Variants in CEP83 observed in about 807,000 individuals in gnomAD.
The protein encoded by CEP83 is centrosomal protein 83.
In CEP83, 70 loss-of-function variants were observed where a neutral mutation model predicts 101.9. The ratio of observed to expected loss-of-function variants is 0.69; its 90% CI spans 0.57 to 0.84. The LOEUF (loss-of-function observed/expected upper bound fraction) is 0.84. CEP83 is among the 40% of genes least tolerant of loss of function. CEP83 has a pLI of 0.00. For synonymous variants in CEP83, 264 were observed against 267.9 expected (o/e 0.99, Z 0.14); for missense variants, 715 against 787.2 (o/e 0.91, Z 1.10).
chr12:94,446,195 CTTG>C (rs752757332), intron 1 of CEP83, among the ~76,000 whole-genome samples: 1 of 152,114 alleles, frequency 6.6e-6, no homozygotes, highest in Non-Finnish European at 1.5e-5. Flanking sequence ...AACTATCTTA[CTTG>C]TTTTTTTTAC....
chr12:94,410,660 G>A lies in CEP83; in HGVS notation c.324+1037C>T, dbSNP rs7955795. Among the ~76,000 whole-genome samples, 298 of 152,232 alleles carry A rather than the reference G, an allele frequency of 2.0e-3. 1 individual carries two copies. The highest frequency in any genetic ancestry group is 6.7e-3 in the African/African-American group (280 of 41,550). ...AAATATCTTGGGTTCAGCATTCACA[G>A]CTTCCACTCATACAGGGCTCTAAAT... On this transcript the variant is annotated intron_variant, in intron 4 of 16. Coordinates refer to ENST00000397809, the MANE Select transcript of CEP83 (RefSeq NM_016122.3).
chr12:94,357,208 T>G (rs985438511), intron 11 of CEP83, among the ~76,000 whole-genome samples: 1 of 152,164 alleles, frequency 6.6e-6, no homozygotes, highest in Admixed American at 6.5e-5. Flanking sequence ...ATTTAGTTGA[T>G]TATATCAAGG....
At chr12:94,395,911 AC>A (rs1462661323) in intron 6 of CEP83, among the ~76,000 whole-genome samples, 76 of 152,238 alleles carry the variant, frequency 5.0e-4, no homozygotes, top group African/African-American at 1.8e-3. Context: ...CTCACCTGAC[AC>A]ATAAAGCCAA....
the CEP83 span, chr12:94,300,947 C>T: frequency 1.2e-6 from 2 of 1,613,208 alleles, no homozygotes; most frequent in South Asian, 1.1e-5. Flanking sequence ...CCTGAAGAAC[C>T]CTCAGTTTGT....
intron 6 of CEP83, among the ~76,000 whole-genome samples, chr12:94,386,989 A>T (rs1019690370): frequency 1.3e-5 from 2 of 152,234 alleles, no homozygotes; most frequent in East Asian, 3.8e-4. Flanking sequence ...AACAAAGTTG[A>T]CAAAAACAAA....
intron 2 of CEP83, among the ~76,000 whole-genome samples, chr12:94,420,794 T>C (rs2064678188): frequency 6.6e-6 from 1 of 152,068 alleles, no homozygotes; most frequent in African/African-American, 2.4e-5. Context: ...TTATTACAAA[T>C]AGATTATTAC....
rs72484681 is a variant in CEP83, at chr12:94,355,623, C to T, written c.1343+12171G>A. Among the ~76,000 whole-genome samples the T allele has an allele frequency of 2.5e-4, 38 of 152,102 alleles. No homozygotes were observed. The East Asian group carries it at 7.5e-3, about 30-fold the overall frequency. On this transcript the variant is annotated intron_variant, in intron 11 of 16. Coordinates refer to ENST00000397809, the MANE Select transcript of CEP83 (RefSeq NM_016122.3). ...CCCCCAAAGTCTGGCCATAAACTGGCCCCAAAACTGGCCATAAATAAAATC... is the reference window on the plus strand; with the variant it reads ...CCCCCAAAGTCTGGCCATAAACTGGTCCCAAAACTGGCCATAAATAAAATC...
At chr12:94,387,224 TCCATGG>T (rs2062199953) in intron 6 of CEP83, among the ~76,000 whole-genome samples, 1 of 152,058 alleles carries the variant, frequency 6.6e-6, no homozygotes. Context: ...CCATTACCAG[TCCATGG>T]CCTGTCAGGA....
At chr12:94,441,455 A>G (rs1034848256) in intron 1 of CEP83, among the ~76,000 whole-genome samples, 7 of 152,250 alleles carry the variant, frequency 4.6e-5, no homozygotes, top group African/African-American at 1.7e-4. Context: ...ATGCAAATCA[A>G]AACCACAATG....
chr12:94,354,197 CT>C (rs1002931370), intron 11 of CEP83, among the ~76,000 whole-genome samples: 45 of 146,628 alleles, frequency 3.1e-4, no homozygotes, highest in Non-Finnish European at 2.9e-4. Flanking sequence ...TCTTCTTCTT[CT>C]TTTTTTTTTT....
At chr12:94,434,782 T>C (rs1429922654) in intron 2 of CEP83, among the ~76,000 whole-genome samples, 4 of 152,362 alleles carry the variant, frequency 2.6e-5, no homozygotes, top group African/African-American at 7.2e-5. Flanking sequence ...TACATACACA[T>C]AGCCTGAAGG....
rs532669254 is a variant in CEP83, at chr12:94,423,895, C to T, written c.-101-11304G>A. Reference sequence around the variant, plus strand: ...TGTAAGCTCCTTGCATAGCTGCAGCCGTCAGCATATACATGCCTGTGCTGC... The same window carrying T: ...TGTAAGCTCCTTGCATAGCTGCAGCTGTCAGCATATACATGCCTGTGCTGC... On this transcript the variant is annotated intron_variant, in intron 2 of 16. Coordinates refer to ENST00000397809, the MANE Select transcript of CEP83 (RefSeq NM_016122.3). The T allele has an allele frequency of 7.0e-5, 113 of 1,611,530 alleles. 1 individual carries two copies. Among genetic ancestry groups the T allele is most frequent in the African/African-American group, 2.7e-4 (20 of 74,998 alleles).
the CEP83 span, among the ~76,000 whole-genome samples, chr12:94,289,370 C>T: frequency 1.3e-5 from 2 of 152,210 alleles, no homozygotes; most frequent in Admixed American, 1.3e-4. Context: ...CGCTTGTTGT[C>T]ACATCGAATC....
chr12:94,411,138 C>T (rs1271458645), intron 4 of CEP83, among the ~76,000 whole-genome samples: 1 of 152,144 alleles, frequency 6.6e-6, no homozygotes, highest in African/African-American at 2.4e-5. Flanking sequence ...AGTTTAAAGT[C>T]TGGCTTTGCT....
chr12:94,333,062 A>AAAAAC (rs1565926899), intron 13 of CEP83, among the ~76,000 whole-genome samples: 1 of 150,814 alleles, frequency 6.6e-6, no homozygotes. Context: ...AAAAAAAAAA[A>AAAAAC]AAACAAATAA....
At chr12:94,432,882 G>A (rs576760754) in intron 2 of CEP83, among the ~76,000 whole-genome samples, 10 of 152,094 alleles carry the variant, frequency 6.6e-5, no homozygotes, top group Non-Finnish European at 1.0e-4. Flanking sequence ...AATTTAAAAA[G>A]AGAGGAACTT....
At chr12:94,312,365 T>G (rs777748661) in intron 15 of CEP83, among the ~76,000 whole-genome samples, 6 of 152,216 alleles carry the variant, frequency 3.9e-5, no homozygotes, top group Non-Finnish European at 8.8e-5. Context: ...GCCAAGGCGC[T>G]GAAGGCTACC....
At chr12:94,440,114 GAGAACT>G (rs2066291446) in intron 1 of CEP83, among the ~76,000 whole-genome samples, 1 of 152,014 alleles carries the variant, frequency 6.6e-6, no homozygotes, top group Non-Finnish European at 1.5e-5. Context: ...CATTCCCCCT[GAGAACT>G]AGAACAAGAC....
chr12:94,371,136 C>T lies in CEP83; in HGVS notation c.934-1100G>A, dbSNP rs367655571. Reference sequence around the variant, plus strand: ...AAGCTAAGCATTACATGTAGAGCACCGGAAGATGTGAAATCTGTGGAGGAA... The same window carrying T: ...AAGCTAAGCATTACATGTAGAGCACTGGAAGATGTGAAATCTGTGGAGGAA... On this transcript the variant is annotated intron_variant, in intron 8 of 16. Coordinates refer to ENST00000397809, the MANE Select transcript of CEP83 (RefSeq NM_016122.3). Among the ~76,000 whole-genome samples, 6 of 152,056 alleles carry T rather than the reference C, an allele frequency of 3.9e-5. 1 individual carries two copies. In the South Asian group the frequency reaches 1.0e-3, roughly 26 times the overall value.
Sources: allele counts gnomAD v4.1 joint callset (sites outside exome capture counted in the v4.1 genomes callset), GRCh38; gene constraint gnomAD v4.1.1; transcripts MANE v1.5; gene names NCBI Gene and HGNC (gene_info 2026-07-23, HGNC 2026-07-21).